CALD1: variants seen among roughly 807,000 people sequenced by gnomAD.
CALD1 encodes the protein caldesmon 1.
In CALD1, 33 loss-of-function variants were observed where a neutral mutation model predicts 99.9. That is an observed-to-expected ratio of 0.33 (90% confidence interval 0.25 to 0.44). The LOEUF (loss-of-function observed/expected upper bound fraction) is 0.44. CALD1 is among the 20% of genes least tolerant of loss of function. The probability of loss-of-function intolerance (pLI) is 1.00; values close to 1 mark genes in which losing one functional copy is unlikely to be tolerated. For missense variants in CALD1, 861 were observed against 962.1 expected (o/e 0.89, Z 1.39); for synonymous variants, 310 against 325.0 (o/e 0.95, Z 0.50).
chr7:134,770,237 C>T (rs1317738588), intron 1 of CALD1, among the ~76,000 whole-genome samples: 1 of 152,204 alleles, frequency 6.6e-6, no homozygotes, highest in South Asian at 2.1e-4. Context: ...CTCACCGGCC[C>T]AGCCCCGCTC....
chr7:134,838,620 G>A (rs1053633449), intron 1 of CALD1, among the ~76,000 whole-genome samples: 10 of 152,196 alleles, frequency 6.6e-5, no homozygotes, highest in Admixed American at 5.9e-4. Context: ...TATATGGAAA[G>A]TTCACTAAGT....
intron 1 of CALD1, among the ~76,000 whole-genome samples, chr7:134,818,150 G>A (rs2131980416): frequency 6.6e-6 from 1 of 152,128 alleles, no homozygotes; most frequent in Non-Finnish European, 1.5e-5. Context: ...TCAATTTAAA[G>A]ACCAAAATAT....
At chr7:134,810,600 T>C (rs1798315732) in intron 1 of CALD1, among the ~76,000 whole-genome samples, 1 of 152,168 alleles carries the variant, frequency 6.6e-6, no homozygotes, top group East Asian at 1.9e-4. Flanking sequence ...ACTTTATCTT[T>C]AGGGTTTCTC....
intron 6 of CALD1, among the ~76,000 whole-genome samples, chr7:134,937,366 C>T (rs1175076003): frequency 1.3e-5 from 2 of 152,120 alleles, no homozygotes; most frequent in Non-Finnish European, 1.5e-5. Flanking sequence ...TCCCAAGTTG[C>T]CCCTCAGCAC....
chr7:134,959,819 TAC>T (rs1328900569), intron 11 of CALD1, among the ~76,000 whole-genome samples, 153 bp from the exon 12 acceptor site: 15 of 152,214 alleles, frequency 9.9e-5, no homozygotes, highest in African/African-American at 3.6e-4. Context: ...GTCATCAGCA[TAC>T]AGTTTTACAA....
At chr7:134,761,871 T>G (rs1796781451) in intron 1 of CALD1, among the ~76,000 whole-genome samples, 1 of 152,174 alleles carries the variant, frequency 6.6e-6, no homozygotes, top group Non-Finnish European at 1.5e-5. Flanking sequence ...TTATTATTAT[T>G]TTTGAAATAT....
chr7:134,813,400 T>C (rs954588282), intron 1 of CALD1, among the ~76,000 whole-genome samples: 27 of 152,174 alleles, frequency 1.8e-4, no homozygotes, highest in African/African-American at 4.8e-4. Flanking sequence ...AAAGAGATCA[T>C]TGATGATGCA....
chr7:134,856,367 C>T (rs1049360246), intron 2 of CALD1, among the ~76,000 whole-genome samples: 3 of 152,168 alleles, frequency 2.0e-5, no homozygotes, highest in Non-Finnish European at 4.4e-5. Context: ...AGTCCTGTAG[C>T]CAATGGGTAG....
intron 3 of CALD1, among the ~76,000 whole-genome samples, chr7:134,917,186 G>A (rs575121757): frequency 2.0e-5 from 3 of 152,176 alleles, no homozygotes; most frequent in East Asian, 3.9e-4. Flanking sequence ...TTTTTTAAAC[G>A]ACTAAGCCCA....
At chr7:134,781,809 C>T (rs1215208576) in intron 1 of CALD1, among the ~76,000 whole-genome samples, 1 of 152,112 alleles carries the variant, frequency 6.6e-6, no homozygotes, top group African/African-American at 2.4e-5. Context: ...AGTAAATACA[C>T]AATTCTTATA....
At chr7:134,761,889 C>A (rs1796781614) in intron 1 of CALD1, among the ~76,000 whole-genome samples, 1 of 152,154 alleles carries the variant, frequency 6.6e-6, no homozygotes, top group Non-Finnish European at 1.5e-5. Flanking sequence ...TATTTGCAAT[C>A]AGGTCTTTGC....
At chr7:134,723,337 T>G in the CALD1 span, among the ~76,000 whole-genome samples, 1 of 152,272 alleles carries the variant, frequency 6.6e-6, no homozygotes, top group East Asian at 1.9e-4. Context: ...TTCTGGGTAG[T>G]TTAGGGTTAG....
At chr7:134,721,280 G>T in the CALD1 span, among the ~76,000 whole-genome samples, 3 of 148,898 alleles carry the variant, frequency 2.0e-5, no homozygotes, top group Non-Finnish European at 4.4e-5. Context: ...CTGATTAACT[G>T]CAGTGACTTT....
chr7:134,969,679 A>T lies in CALD1; in HGVS notation c.*1334A>T. On this transcript the variant is annotated 3_prime_UTR_variant, in exon 15 of 15. Coordinates refer to ENST00000361675, the MANE Select transcript of CALD1 (RefSeq NM_033138.4). Reference sequence around the variant, plus strand: ...CCTGTAGTAAGTTGACAATGTGGTGAAATTTCAAAATTATATGTAACTTCT... The same window carrying T: ...CCTGTAGTAAGTTGACAATGTGGTGTAATTTCAAAATTATATGTAACTTCT... 1 of 152,186 alleles carries T rather than the reference A, an allele frequency of 6.6e-6. No homozygotes were observed. Among genetic ancestry groups the T allele is most frequent in the East Asian group, 1.9e-4 (1 of 5,194 alleles). 9.4% of individuals were successfully genotyped at this position (152,186 alleles called of 1,614,324 possible).
intron 1 of CALD1, among the ~76,000 whole-genome samples, chr7:134,758,192 G>A (rs569238082): frequency 6.6e-6 from 1 of 152,310 alleles, no homozygotes; most frequent in South Asian, 2.1e-4. Context: ...AAGCCTGTGT[G>A]AGATGATGCA....
chr7:134,963,507 G>C (rs1026863412), intron 13 of CALD1, among the ~76,000 whole-genome samples: 1 of 152,116 alleles, frequency 6.6e-6, no homozygotes, highest in African/African-American at 2.4e-5. Context: ...TGTTAGCTTT[G>C]CCTTCCTCCT....
At chr7:134,816,059 T>C (rs1176305627) in intron 1 of CALD1, among the ~76,000 whole-genome samples, 1 of 152,232 alleles carries the variant, frequency 6.6e-6, no homozygotes, top group African/African-American at 2.4e-5. Flanking sequence ...CTGCTTTCAC[T>C]CAGCCTATCT....
chr7:134,714,064 C>T, the CALD1 span, among the ~76,000 whole-genome samples: 1 of 152,182 alleles, frequency 6.6e-6, no homozygotes, highest in African/African-American at 2.4e-5. Context: ...CCACCTCCCA[C>T]CTCTGTCTCT....
chr7:134,740,185 G>C (rs1003258713), upstream of CALD1, among the ~76,000 whole-genome samples: 1 of 152,086 alleles, frequency 6.6e-6, no homozygotes, highest in Non-Finnish European at 1.5e-5. Context: ...CTCTGCAATT[G>C]AACTGTTGGA....
Sources: gnomAD v4.1 joint callset for allele counts (sites outside exome capture counted in the v4.1 genomes callset) on GRCh38, gnomAD v4.1.1 for gene constraint, MANE v1.5 for transcripts, NCBI Gene and HGNC (gene_info 2026-07-23, HGNC 2026-07-21) for gene names.